Variants in SOX6 observed in about 807,000 individuals in gnomAD.
SOX6 encodes the protein SRY-box transcription factor 6, also known as transcription factor SOX-6.
A neutral mutation model predicts 97.8 loss-of-function variants in SOX6; 11 were observed. That is an observed-to-expected ratio of 0.11 (90% CI 0.07 to 0.19). The LOEUF is 0.19. Ranked by LOEUF, SOX6 falls within the 10% of genes least tolerant of loss-of-function variation. The pLI is 1.00. For missense variants in SOX6, 810 were observed against 1,039.5 expected (o/e 0.78, Z 3.04); for synonymous variants, 360 against 371.4 (o/e 0.97, Z 0.35).
At chr11:16,493,691 AAATAT>A (rs1177995781) in intron 4 of SOX6, among the ~76,000 whole-genome samples, 1 of 152,188 alleles carries the variant, frequency 6.6e-6, no homozygotes, top group East Asian at 1.9e-4. Flanking sequence ...CCTAATATTT[AAATAT>A]AATATAAGCA....
chr11:16,139,396 G>A (rs532602424), intron 6 of SOX6, among the ~76,000 whole-genome samples: 5 of 152,230 alleles, frequency 3.3e-5, no homozygotes, highest in Non-Finnish European at 7.4e-5. Flanking sequence ...GCACATTAAG[G>A]AAGAGCTTTC....
intron 6 of SOX6, among the ~76,000 whole-genome samples, chr11:16,140,881 G>A (rs145096197): frequency 7.9e-5 from 12 of 152,196 alleles, no homozygotes; most frequent in East Asian, 1.9e-4. Flanking sequence ...ATCAGAATAG[G>A]TGCATAATAA....
chr11:16,239,264 G>A (rs571030218), intron 3 of SOX6, among the ~76,000 whole-genome samples: 5 of 151,952 alleles, frequency 3.3e-5, no homozygotes, highest in African/African-American at 7.2e-5. Flanking sequence ...TCACTATAAC[G>A]TACAAAGCAC....
intron 3 of SOX6, among the ~76,000 whole-genome samples, chr11:16,258,694 C>T (rs1464855382): frequency 2.6e-5 from 4 of 151,602 alleles, no homozygotes; most frequent in Admixed American, 2.6e-4. Context: ...CAACAGTGAA[C>T]CATAATATAA....
intron 4 of SOX6, among the ~76,000 whole-genome samples, chr11:16,608,061 G>T (rs1380970309): frequency 6.6e-6 from 1 of 152,026 alleles, no homozygotes; most frequent in Non-Finnish European, 1.5e-5. Context: ...AAGAGAGAAA[G>T]TCGGGGTCAG....
chr11:16,704,327 C>T (rs536288011), intron 3 of SOX6, among the ~76,000 whole-genome samples: 1 of 152,228 alleles, frequency 6.6e-6, no homozygotes, highest in Admixed American at 6.5e-5. Context: ...CTCCCACTTA[C>T]ATTTCTACTG....
At chr11:16,036,873 T>C (rs1054043810) in intron 12 of SOX6, among the ~76,000 whole-genome samples, 1 of 152,194 alleles carries the variant, frequency 6.6e-6, no homozygotes, top group Non-Finnish European at 1.5e-5. Flanking sequence ...AGATTCTTTG[T>C]TAGACTTAGG....
chr11:16,299,931 A>G (rs1404571024), intron 3 of SOX6, among the ~76,000 whole-genome samples: 3 of 152,198 alleles, frequency 2.0e-5, no homozygotes, highest in Non-Finnish European at 4.4e-5. Flanking sequence ...CAGCAATAAC[A>G]TTTACATTGA....
intron 6 of SOX6, among the ~76,000 whole-genome samples, chr11:16,120,551 G>A (rs1457841770): frequency 4.4e-5 from 6 of 137,204 alleles, no homozygotes; most frequent in African/African-American, 1.4e-4. Context: ...TTAATAAAGA[G>A]CTAACTTCAC....
intron 12 of SOX6, among the ~76,000 whole-genome samples, chr11:16,020,703 T>C (rs577660251): frequency 6.6e-5 from 10 of 152,298 alleles, no homozygotes; most frequent in African/African-American, 2.2e-4. Flanking sequence ...TACTCTCTGC[T>C]ATACAAAAAG....
chr11:16,683,531 T>C (rs1333992153), intron 3 of SOX6, among the ~76,000 whole-genome samples: 2 of 152,184 alleles, frequency 1.3e-5, no homozygotes, highest in Non-Finnish European at 2.9e-5. Context: ...TGGCTAACCA[T>C]ATGTAGAAAG....
intron 9 of SOX6, among the ~76,000 whole-genome samples, chr11:16,076,592 T>C (rs1848358042): frequency 6.6e-6 from 1 of 152,092 alleles, no homozygotes; most frequent in Non-Finnish European, 1.5e-5. Context: ...AAGTTTTAAT[T>C]GGCTCATGGT....
At chr11:16,234,024 A>C (rs578137853) in intron 4 of SOX6, among the ~76,000 whole-genome samples, 35 of 151,472 alleles carry the variant, frequency 2.3e-4, no homozygotes, top group African/African-American at 8.2e-4. Context: ...AAAAAAAAGA[A>C]AAGAAAAGAA....
At chr11:16,247,721 T>G (rs1565045703) in intron 3 of SOX6, among the ~76,000 whole-genome samples, 1 of 152,238 alleles carries the variant, frequency 6.6e-6, no homozygotes, top group East Asian at 1.9e-4. Context: ...ACATGGGGAC[T>G]ATAAGAACTA....
At chr11:16,285,209 T>C (rs942031744) in intron 3 of SOX6, among the ~76,000 whole-genome samples, 2 of 152,128 alleles carry the variant, frequency 1.3e-5, no homozygotes, top group African/African-American at 2.4e-5. Flanking sequence ...AACTGAATGT[T>C]TTAATATTAA....
intron 4 of SOX6, among the ~76,000 whole-genome samples, chr11:16,600,521 C>T (rs1289392109): frequency 2.0e-5 from 3 of 152,168 alleles, no homozygotes; most frequent in Non-Finnish European, 2.9e-5. Flanking sequence ...CAGACCAGCA[C>T]TCTTTTTTGG....
chr11:16,008,741 G>C (rs1018121437), intron 13 of SOX6, among the ~76,000 whole-genome samples: 1 of 152,062 alleles, frequency 6.6e-6, no homozygotes, highest in Admixed American at 6.6e-5. Flanking sequence ...TTGTTTAAGA[G>C]AGCTGCACTT....
chr11:16,095,922 A>C, intron 9 of SOX6, 74 bp downstream of exon 9: 1 of 1,533,354 alleles, frequency 6.5e-7, no homozygotes, highest in South Asian at 1.2e-5. Context: ...TTTAAAAAAA[A>C]AAAAAAAAAG....
In SOX6 at chr11:16,555,468, A is replaced by G. The variant is rs184488636; in HGVS notation, n.609+56613T>C. 3.7e-3 allele frequency among the ~76,000 whole-genome samples: 562 copies of G among 151,706 alleles called. 3 individuals are homozygous for G. The highest frequency in any genetic ancestry group is 0.013 in the African/African-American group (544 of 41,500). ...TTATTAATGTATAATAATTGTGTAT[A>G]TTTTGGGGGTACATGTGATATTTTG... On this transcript the variant is annotated intron_variant and non_coding_transcript_variant, in intron 4 of 5. Coordinates refer to the SOX6 transcript ENST00000524520.
Sources: gnomAD v4.1 joint callset for allele counts (sites outside exome capture counted in the v4.1 genomes callset) on GRCh38, gnomAD v4.1.1 for gene constraint, MANE v1.5 for transcripts, NCBI Gene and HGNC (gene_info 2026-07-23, HGNC 2026-07-21) for gene names.